Variants in EXOC6B observed in about 807,000 individuals in gnomAD.
The protein encoded by EXOC6B is SEC15 homolog B.
A neutral mutation model predicts 113.5 loss-of-function variants in EXOC6B; 54 were observed. The observed-to-expected ratio is 0.48, with a 90% CI of 0.38 to 0.60. EXOC6B has a LOEUF of 0.60. Ranked by LOEUF, EXOC6B falls within the 20% of genes least tolerant of loss-of-function variation. EXOC6B has a pLI of 0.00. For missense variants in EXOC6B, 797 were observed against 977.5 expected (o/e 0.82, Z 2.46); for synonymous variants, 357 against 339.0 (o/e 1.05, Z -0.58).
At chr2:72,795,430 G>C (rs1478936128) in intron 1 of EXOC6B, among the ~76,000 whole-genome samples, 1 of 152,026 alleles carries the variant, frequency 6.6e-6, no homozygotes, top group Non-Finnish European at 1.5e-5. Context: ...AAAAAAATTA[G>C]CCGGGCGTTG....
chr2:72,517,277 T>C (rs1701261855), intron 8 of EXOC6B, among the ~76,000 whole-genome samples: 1 of 152,250 alleles, frequency 6.6e-6, no homozygotes, highest in African/African-American at 2.4e-5. Context: ...TCATTAAATA[T>C]TCCTTTTCTT....
intron 17 of EXOC6B, among the ~76,000 whole-genome samples, chr2:72,467,490 C>G (rs1444422232): frequency 6.6e-6 from 1 of 152,158 alleles, no homozygotes; most frequent in East Asian, 1.9e-4. Flanking sequence ...CTCTCCAATA[C>G]TTACCATTTG....
chr2:72,533,059 G>A lies in EXOC6B; in HGVS notation c.916-17933C>T, dbSNP rs139529297. Among the ~76,000 whole-genome samples, 153 of 152,256 alleles carry A rather than the reference G, an allele frequency of 1.0e-3. 1 individual carries two copies. Among genetic ancestry groups the A allele is most frequent in the African/African-American group, 3.1e-3 (130 of 41,556 alleles). ...TCAAATATCTGAAGGTCTCCCTTAAGAGGGTACTAAAGCAATGCCTGGAAA... is the reference window on the plus strand; with the variant it reads ...TCAAATATCTGAAGGTCTCCCTTAAAAGGGTACTAAAGCAATGCCTGGAAA... On this transcript the variant is annotated intron_variant, in intron 8 of 21. Transcript: ENST00000272427.
intron 19 of EXOC6B, among the ~76,000 whole-genome samples, chr2:72,335,548 GCACACACACACACACACA>G (rs70963124): frequency 0.073 from 9,798 of 134,986 alleles, 399 homozygotes; most frequent in Non-Finnish European, 0.1. Flanking sequence ...CTGCATTATT[GCACACACACACACACACA>G]CACACACACA....
At chr2:72,345,917 T>C (rs905591650) in intron 19 of EXOC6B, among the ~76,000 whole-genome samples, 23 of 152,152 alleles carry the variant, frequency 1.5e-4, no homozygotes, top group African/African-American at 3.4e-4. Context: ...GAGGAGGCTA[T>C]ACATGTGGTA....
At chr2:72,327,816 A>C (rs1688212537) in intron 20 of EXOC6B, among the ~76,000 whole-genome samples, 1 of 152,150 alleles carries the variant, frequency 6.6e-6, no homozygotes, top group East Asian at 1.9e-4. Flanking sequence ...AGCAAATCCC[A>C]GAATTTGTTA....
At chr2:72,191,528 T>C (rs538725951) in intron 20 of EXOC6B, among the ~76,000 whole-genome samples, 1 of 152,342 alleles carries the variant, frequency 6.6e-6, no homozygotes, top group East Asian at 1.9e-4. Flanking sequence ...TTGTTTTGAT[T>C]TTTTAATCCT....
At position 72,424,280 on chromosome 2, in the gene EXOC6B, C is replaced by CT. The variant is rs370124794; in HGVS notation, c.1980+40879dup. Among the ~76,000 whole-genome samples the CT allele has an allele frequency of 1.5e-3, 218 of 147,918 alleles. 2 individuals are homozygous for CT. Among genetic ancestry groups the CT allele is most frequent in the African/African-American group, 4.5e-3 (181 of 40,352 alleles). The stretch of plus-strand genomic sequence containing the variant: ...TGACAGTTTTATTCTTTCCATTATG[C>CT]TTTTTTTTTTCATTAGATTTTTCTA... On this transcript the variant is annotated intron_variant, in intron 18 of 21. Coordinates refer to ENST00000272427, the MANE Select transcript of EXOC6B (RefSeq NM_015189.3).
At chr2:72,808,788 C>T (rs1685719413) in intron 1 of EXOC6B, among the ~76,000 whole-genome samples, 1 of 151,980 alleles carries the variant, frequency 6.6e-6, no homozygotes, top group South Asian at 2.1e-4. Flanking sequence ...TCTCAAAAAA[C>T]ACAGCTGAGT....
chr2:72,499,669 A>G (rs187722661), intron 12 of EXOC6B, among the ~76,000 whole-genome samples: 111 of 152,038 alleles, frequency 7.3e-4, no homozygotes, highest in African/African-American at 2.6e-3. Flanking sequence ...CTGGGACTAC[A>G]GGAATGTGGT....
chr2:72,333,599 G>T (rs1688526686), intron 20 of EXOC6B, among the ~76,000 whole-genome samples: 1 of 152,224 alleles, frequency 6.6e-6, no homozygotes, highest in East Asian at 1.9e-4. Flanking sequence ...TGTCTCAGTT[G>T]AGTTGCTACA....
At chr2:72,547,132 T>C (rs1451358965) in intron 8 of EXOC6B, among the ~76,000 whole-genome samples, 2 of 152,196 alleles carry the variant, frequency 1.3e-5, no homozygotes, top group Non-Finnish European at 2.9e-5. Flanking sequence ...ATTAAGAAAA[T>C]TTAAGAGAAA....
At chr2:72,242,019 A>G (rs752933819) in intron 20 of EXOC6B, among the ~76,000 whole-genome samples, 3 of 152,108 alleles carry the variant, frequency 2.0e-5, no homozygotes, top group Non-Finnish European at 2.9e-5. Flanking sequence ...CCTGGGCAAC[A>G]TACCAAGACC....
intron 6 of EXOC6B, among the ~76,000 whole-genome samples, chr2:72,701,300 C>A (rs1023457429): frequency 6.7e-6 from 1 of 150,210 alleles, no homozygotes; most frequent in African/African-American, 2.5e-5. Flanking sequence ...CGAGATCGTA[C>A]CACTGCACTC....
intron 20 of EXOC6B, among the ~76,000 whole-genome samples, chr2:72,333,224 G>A (rs1403836681): frequency 6.6e-6 from 1 of 152,140 alleles, no homozygotes; most frequent in Admixed American, 6.6e-5. Context: ...TGCTCACTGA[G>A]AGCTTACAAG....
intron 20 of EXOC6B, among the ~76,000 whole-genome samples, chr2:72,257,048 T>C (rs1279798871): frequency 2.0e-5 from 3 of 152,208 alleles, no homozygotes; most frequent in Non-Finnish European, 4.4e-5. Context: ...GACTCCCTCA[T>C]GCCCCATCTC....
At chr2:72,318,876 A>C (rs1187088229) in intron 20 of EXOC6B, among the ~76,000 whole-genome samples, 2 of 148,912 alleles carry the variant, frequency 1.3e-5, no homozygotes, top group African/African-American at 5.1e-5. Flanking sequence ...ATAAAGGTAC[A>C]CTCTAATACC....
intron 1 of EXOC6B, among the ~76,000 whole-genome samples, chr2:72,788,842 A>T (rs765169559): frequency 6.6e-6 from 1 of 152,124 alleles, no homozygotes; most frequent in Non-Finnish European, 1.5e-5. Flanking sequence ...AAACAAAAAG[A>T]ATCTCCCATA....
chr2:72,319,884 G>A (rs1350014513), intron 20 of EXOC6B, among the ~76,000 whole-genome samples: 1 of 151,610 alleles, frequency 6.6e-6, no homozygotes, highest in Non-Finnish European at 1.5e-5. Flanking sequence ...CGCCCAGGCT[G>A]AAGTGCAGTG....
Sources: gnomAD v4.1 joint callset for allele counts (sites outside exome capture counted in the v4.1 genomes callset) on GRCh38, gnomAD v4.1.1 for gene constraint, MANE v1.5 for transcripts, NCBI Gene and HGNC (gene_info 2026-07-23, HGNC 2026-07-21) for gene names.